The following PTPRN2 variants were observed in gnomAD, a reference collection of about 807,000 sequenced individuals.
The protein encoded by PTPRN2 is protein tyrosine phosphatase receptor type N2.
PTPRN2 carries 74 observed loss-of-function variants against 118.8 expected under a neutral mutation model. The observed-to-expected ratio is 0.62, with a 90% confidence interval of 0.52 to 0.76. The LOEUF (loss-of-function observed/expected upper bound fraction) is 0.76. PTPRN2 is among the 30% of genes least tolerant of loss of function. PTPRN2 has a pLI of 0.00. For missense variants in PTPRN2, 1,481 were observed against 1,394.4 expected, an observed-to-expected ratio of 1.06 and a Z score of -0.99; for synonymous variants, 641 against 608.0, an observed-to-expected ratio of 1.05 and a Z score of -0.80.
At chr7:158,448,401 G>A (rs1402224129) in intron 2 of PTPRN2, among the ~76,000 whole-genome samples, 1 of 152,182 alleles carries the variant, frequency 6.6e-6, no homozygotes, top group Non-Finnish European at 1.5e-5. Flanking sequence ...TGGGGAGGAG[G>A]AGGGAGGTTG....
chr7:158,474,547 G>A (rs751415111), intron 2 of PTPRN2, among the ~76,000 whole-genome samples: 1 of 152,270 alleles, frequency 6.6e-6, no homozygotes, highest in Admixed American at 6.5e-5. Flanking sequence ...AGGTTGCACA[G>A]AGCATGCCCA....
At chr7:158,186,999 G>A (rs1469982953) in intron 5 of PTPRN2, among the ~76,000 whole-genome samples, 1 of 152,222 alleles carries the variant, frequency 6.6e-6, no homozygotes, top group Non-Finnish European at 1.5e-5. Flanking sequence ...AGAGTGGACA[G>A]GGAATTTATG....
intron 2 of PTPRN2, among the ~76,000 whole-genome samples, chr7:158,337,070 A>C (rs186605422): frequency 1.5e-5 from 2 of 137,404 alleles, no homozygotes; most frequent in Non-Finnish European, 3.2e-5. Context: ...ATAAGAGCTG[A>C]CACCCGCAGA....
rs551419706 is a variant in PTPRN2 at position 158,079,292 on chromosome 7, T to A, written c.1723+2006A>T. Among the ~76,000 whole-genome samples, 6 of 152,312 alleles carry A rather than the reference T, an allele frequency of 3.9e-5. No homozygotes were observed. In the East Asian group the frequency reaches 1.2e-3, roughly 29 times the overall value. Reference sequence around the variant, plus strand: ...ACTCACACAGCCACAGGAGTTAACATGGAGGCACTGGTGCAAGTTAGCAAA... The same window carrying A: ...ACTCACACAGCCACAGGAGTTAACAAGGAGGCACTGGTGCAAGTTAGCAAA... On this transcript the variant is annotated intron_variant, in intron 11 of 22. Transcript: ENST00000389418.
chr7:157,752,610 T>C (rs1395280274), intron 12 of PTPRN2, among the ~76,000 whole-genome samples: 1 of 152,132 alleles, frequency 6.6e-6, no homozygotes, highest in African/African-American at 2.4e-5. Flanking sequence ...TCTGATCCTC[T>C]CCCCAGCCAC....
chr7:158,203,225 CAAAAAAAAAAAA>C (rs56016358), intron 4 of PTPRN2, among the ~76,000 whole-genome samples: 2 of 50,340 alleles, frequency 4.0e-5, no homozygotes, highest in Non-Finnish European at 3.9e-5. Context: ...AAGCAAGAGC[CAAAAAAAAAAAA>C]AAAAAAAAAA....
chr7:158,403,563 G>C (rs1179651413), intron 2 of PTPRN2, among the ~76,000 whole-genome samples: 1 of 152,182 alleles, frequency 6.6e-6, no homozygotes, highest in Non-Finnish European at 1.5e-5. Flanking sequence ...GTTACTCCAA[G>C]GGCCACTCTG....
chr7:157,847,791 C>T (rs1336944487), intron 12 of PTPRN2, among the ~76,000 whole-genome samples: 4 of 141,840 alleles, frequency 2.8e-5, no homozygotes, highest in African/African-American at 8.0e-5. Context: ...CCCTCTCTCA[C>T]TCCATCATGC....
At chr7:157,828,443 C>T (rs968621841) in intron 12 of PTPRN2, among the ~76,000 whole-genome samples, 16 of 152,308 alleles carry the variant, frequency 1.1e-4, no homozygotes, top group African/African-American at 3.8e-4. Context: ...CCCCTCGGGA[C>T]CACTTCCCTG....
At chr7:157,825,481 T>C (rs1807113693) in intron 12 of PTPRN2, among the ~76,000 whole-genome samples, 1 of 152,208 alleles carries the variant, frequency 6.6e-6, no homozygotes, top group Non-Finnish European at 1.5e-5. Flanking sequence ...TATTTTTTAT[T>C]TTCTGTCACA....
At chr7:158,228,902 G>A (rs1171583059) in intron 3 of PTPRN2, among the ~76,000 whole-genome samples, 1 of 152,074 alleles carries the variant, frequency 6.6e-6, no homozygotes, top group Non-Finnish European at 1.5e-5. Flanking sequence ...GAGATAAAAG[G>A]GGGAGGTGGG....
At chr7:158,049,256 ACTC>A (rs1809152177) in intron 11 of PTPRN2, among the ~76,000 whole-genome samples, 1 of 151,726 alleles carries the variant, frequency 6.6e-6, no homozygotes, top group South Asian at 2.1e-4. Flanking sequence ...TGGCCCTGGA[ACTC>A]CTCCTTTGTC....
chr7:157,855,974 T>C (rs1809684903), intron 12 of PTPRN2: 1 of 152,242 alleles, frequency 6.6e-6, no homozygotes, highest in Non-Finnish European at 1.5e-5. Context: ...AGTACTTGAT[T>C]TAAGGCTCCT....
chr7:157,700,949 ACTG>A (rs1334639067), intron 12 of PTPRN2, among the ~76,000 whole-genome samples: 44 of 152,304 alleles, frequency 2.9e-4, no homozygotes, highest in African/African-American at 1.0e-3. Context: ...AGTGCTACGG[ACTG>A]CTCATCATTT....
At chr7:158,520,410 T>C (rs1823893830) in intron 1 of PTPRN2, among the ~76,000 whole-genome samples, 2 of 152,246 alleles carry the variant, frequency 1.3e-5, no homozygotes, top group Non-Finnish European at 2.9e-5. Context: ...GGTGTTTCTA[T>C]GTTTACTGCC....
chr7:158,150,283 G>A (rs1445538391), intron 6 of PTPRN2, among the ~76,000 whole-genome samples: 1 of 152,236 alleles, frequency 6.6e-6, no homozygotes, highest in Non-Finnish European at 1.5e-5. Context: ...AATCCAGGCT[G>A]TTTCTGCTAA....
At chr7:157,564,743 C>T (rs1485602535) in intron 21 of PTPRN2, among the ~76,000 whole-genome samples, 3 of 152,248 alleles carry the variant, frequency 2.0e-5, no homozygotes, top group Non-Finnish European at 4.4e-5. Context: ...GATCCACTCA[C>T]ATCCACTGGG....
intron 2 of PTPRN2, among the ~76,000 whole-genome samples, chr7:158,322,908 G>A (rs1399415700): frequency 6.6e-6 from 1 of 152,212 alleles, no homozygotes; most frequent in African/African-American, 2.4e-5. Flanking sequence ...CCAACCAGGG[G>A]ATGGTGGCTA....
chr7:158,314,200 TGAAA>T (rs1440924948), intron 3 of PTPRN2, among the ~76,000 whole-genome samples: 3 of 152,320 alleles, frequency 2.0e-5, no homozygotes, highest in African/African-American at 7.2e-5. Context: ...GGGGAAGTTC[TGAAA>T]GAGTCACGCC....
Sources: gnomAD v4.1 joint callset for allele counts (sites outside exome capture counted in the v4.1 genomes callset) on GRCh38, gnomAD v4.1.1 for gene constraint, MANE v1.5 for transcripts, NCBI Gene and HGNC (gene_info 2026-07-23, HGNC 2026-07-21) for gene names.